The following GLB1 variants were observed in gnomAD, a reference collection of about 807,000 sequenced individuals.
GLB1 encodes the protein beta-galactosidase.
GLB1 carries 56 observed loss-of-function variants against 74.0 expected under a neutral mutation model. The ratio of observed to expected loss-of-function variants is 0.76; its 90% confidence interval spans 0.61 to 0.94. The LOEUF (loss-of-function observed/expected upper bound fraction) is 0.94. Ranked by LOEUF, GLB1 falls within the 40% of genes least tolerant of loss-of-function variation. The pLI is 0.00. For missense variants in GLB1, 787 were observed against 845.5 expected (o/e 0.93, Z 0.86); for synonymous variants, 323 against 323.6 (o/e 1.00, Z 0.02).
the GLB1 span, among the ~76,000 whole-genome samples, chr3:32,964,284 G>T: frequency 6.6e-6 from 1 of 152,208 alleles, no homozygotes; most frequent in Non-Finnish European, 1.5e-5. Context: ...CACAAATAAA[G>T]TGAACGATGG....
At chr3:33,059,621 C>T (rs1192288960) in intron 5 of GLB1, among the ~76,000 whole-genome samples, 1 of 152,070 alleles carries the variant, frequency 6.6e-6, no homozygotes, top group African/African-American at 2.4e-5. Flanking sequence ...AAGCAGAAAA[C>T]TGATGGTCAT....
intron 10 of GLB1, among the ~76,000 whole-genome samples, chr3:33,026,029 G>A (rs1248705800): frequency 6.6e-6 from 1 of 152,174 alleles, no homozygotes; most frequent in African/African-American, 2.4e-5. Context: ...GGTTGGGCAC[G>A]GAGGGGCGGA....
rs75638506 is a variant in GLB1, at chr3:33,090,493, C to T, written c.75+6518G>A. The T allele has an allele frequency of 5.7e-3, 5,600 of 985,294 alleles. 92 individuals are homozygous for T. In the East Asian group the frequency reaches 0.072, roughly 13 times the overall value. The allele number at this position is 985,294 out of a possible 1,614,324, so 61.0% of individuals were successfully genotyped here. A position where few individuals can be genotyped will look rare whatever the true frequency, so the allele number is the denominator to read the frequency against. The stretch of plus-strand genomic sequence containing the variant: ...GCATCATATACTACAGACACTATTG[C>T]TGATTTTCAAAAAGCATTGCATTTC... On this transcript the variant is annotated intron_variant, in intron 1 of 15. Transcript: ENST00000307363.
chr3:33,056,766 C>G (rs900295898), intron 6 of GLB1, among the ~76,000 whole-genome samples: 4 of 151,958 alleles, frequency 2.6e-5, no homozygotes, highest in Non-Finnish European at 5.9e-5. Context: ...ATGTGATGGC[C>G]CTTTATCCCT....
At chr3:33,095,210 C>CAAAA (rs71630565) in intron 1 of GLB1, among the ~76,000 whole-genome samples, 8 of 75,894 alleles carry the variant, frequency 1.1e-4, no homozygotes, top group African/African-American at 2.7e-4. Flanking sequence ...GACTCTGTCT[C>CAAAA]AAAAAAAAAA....
At chr3:33,004,435 C>T (rs1385578165) in intron 15 of GLB1, among the ~76,000 whole-genome samples, 1 of 152,252 alleles carries the variant, frequency 6.6e-6, no homozygotes, top group Non-Finnish European at 1.5e-5. Flanking sequence ...CTAACTGATA[C>T]ACATCTCCAT....
chr3:32,984,261 C>CT, the GLB1 span, among the ~76,000 whole-genome samples: 1 of 152,020 alleles, frequency 6.6e-6, no homozygotes, highest in East Asian at 1.9e-4. Flanking sequence ...CTACACCCCC[C>CT]TGAGAATTCA....
chr3:32,983,798 C>G, the GLB1 span, among the ~76,000 whole-genome samples: 5 of 152,098 alleles, frequency 3.3e-5, no homozygotes, highest in Non-Finnish European at 5.9e-5. Flanking sequence ...CCCACCTCAG[C>G]CCCCTGAGTA....
chr3:32,994,677 T>C (rs1339528456), downstream of GLB1, among the ~76,000 whole-genome samples: 1 of 152,062 alleles, frequency 6.6e-6, no homozygotes, highest in African/African-American at 2.4e-5. Context: ...TCCCGGCGAT[T>C]TGGGAGGCCC....
chr3:32,979,874 A>G, the GLB1 span, among the ~76,000 whole-genome samples: 931 of 151,418 alleles, frequency 6.1e-3, 23 homozygotes, highest in African/African-American at 0.021. Flanking sequence ...AAAAAAAAAA[A>G]AAAAGAAAAG....
intron 1 of GLB1, among the ~76,000 whole-genome samples, chr3:33,076,729 C>G (rs990747514): frequency 1.3e-5 from 2 of 152,176 alleles, no homozygotes; most frequent in African/African-American, 4.8e-5. Context: ...TATATTAACA[C>G]CTATCAGTTC....
intron 15 of GLB1, among the ~76,000 whole-genome samples, chr3:32,999,307 A>G (rs1696449052): frequency 6.6e-6 from 1 of 152,126 alleles, no homozygotes; most frequent in African/African-American, 2.4e-5. Flanking sequence ...TTGTTTTTGC[A>G]GTATTAGAGA....
At chr3:33,065,634 A>C in intron 4 of GLB1, 77 bp from the exon 5 acceptor site, 1 of 1,487,496 alleles carries the variant, frequency 6.7e-7, no homozygotes, top group Non-Finnish European at 9.2e-7. Flanking sequence ...GATGGCTTTG[A>C]ATGTGGCCCA....
At chr3:33,045,219 T>C (rs745592707) in intron 10 of GLB1, 15 of 495,690 alleles carry the variant, frequency 3.0e-5, no homozygotes, top group Non-Finnish European at 3.7e-5. Flanking sequence ...TAACAATCAG[T>C]AGACTGATTT....
At chr3:33,025,176 C>A in intron 10 of GLB1, among the ~76,000 whole-genome samples, 1 of 152,198 alleles carries the variant, frequency 6.6e-6, no homozygotes, top group Non-Finnish European at 1.5e-5. Context: ...AACTCCTGAT[C>A]TCAGGTGATC....
At chr3:32,965,702 G>T in the GLB1 span, among the ~76,000 whole-genome samples, 1 of 152,346 alleles carries the variant, frequency 6.6e-6, no homozygotes, top group African/African-American at 2.4e-5. Context: ...AGAGACCTTT[G>T]TGTCAGCCCC....
chr3:33,022,917 GA>G (rs1559386556), intron 11 of GLB1, among the ~76,000 whole-genome samples: 2 of 151,810 alleles, frequency 1.3e-5, no homozygotes, highest in Non-Finnish European at 2.9e-5. Flanking sequence ...CAGCATCAAG[GA>G]AAAAAATCTC....
chr3:33,081,942 C>G (rs959419392), intron 1 of GLB1, among the ~76,000 whole-genome samples: 10 of 152,340 alleles, frequency 6.6e-5, no homozygotes, highest in African/African-American at 2.2e-4. Context: ...CAGCTTTGAG[C>G]CAGTTCTCTA....
chr3:33,095,072 A>G (rs1164982408), intron 1 of GLB1, among the ~76,000 whole-genome samples: 1 of 152,008 alleles, frequency 6.6e-6, no homozygotes, highest in Non-Finnish European at 1.5e-5. Flanking sequence ...TTAGCCAGGC[A>G]TGGTGGTGGA....
Sources: gnomAD v4.1 joint callset for allele counts (sites outside exome capture counted in the v4.1 genomes callset) on GRCh38, gnomAD v4.1.1 for gene constraint, MANE v1.5 for transcripts, NCBI Gene and HGNC (gene_info 2026-07-23, HGNC 2026-07-21) for gene names.